Variants in NXPE3 observed in about 807,000 individuals in gnomAD.
NXPE3 encodes NXPE family member 3.
NXPE3 carries 26 observed loss-of-function variants against 46.1 expected under a neutral mutation model. The ratio of observed to expected loss-of-function variants is 0.56; its 90% CI spans 0.41 to 0.78. NXPE3 has a LOEUF of 0.78. Among genes scored for constraint, NXPE3 ranks in the 30% least tolerant of loss-of-function variants. The pLI is 0.00. For missense variants in NXPE3, 620 were observed against 686.0 expected (o/e 0.90, Z 1.07); for synonymous variants, 272 against 257.9 (o/e 1.05, Z -0.52).
chr3:101,784,189 C>G (rs189861112), intron 3 of NXPE3, among the ~76,000 whole-genome samples: 14 of 152,164 alleles, frequency 9.2e-5, no homozygotes, highest in Admixed American at 7.2e-4. Context: ...AATGCAGTAT[C>G]ATTAAGTTGC....
rs973538381 is a variant in NXPE3 at position 101,828,158 on chromosome 3, G to C, written c.*6204G>C. On this transcript the variant is annotated 3_prime_UTR_variant, in exon 8 of 8. Coordinates refer to ENST00000273347, the MANE Select transcript of NXPE3 (RefSeq NM_145037.4). ...ACAATTGATTTGCTCTTACGTATTT[G>C]TGTGACTTGACTCTTCAAACACAAA... 6.6e-6 allele frequency: 1 copy of C among 152,084 alleles called. No individual in the cohort carries two copies. The highest frequency in any genetic ancestry group is 2.4e-5 in the African/African-American group (1 of 41,406). 9.4% of individuals were successfully genotyped at this position (152,084 alleles called of 1,614,324 possible). A position where few individuals can be genotyped will look rare whatever the true frequency, so the allele number is the denominator to read the frequency against.
chr3:101,801,253 G>GT lies in NXPE3; in HGVS notation c.115dup (p.Ser39PhefsTer20), dbSNP rs1159508776. On this transcript the variant is annotated frameshift_variant, in exon 5 of 8. Coordinates refer to ENST00000273347, the MANE Select transcript of NXPE3 (RefSeq NM_145037.4). LOFTEE classifies it high-confidence loss of function. ...TCTTCAGTACTTGGACCATGAGACTGTTTCAGCCACTTTCATCGACAGCAG... is the reference window on the plus strand; with the variant it reads ...TCTTCAGTACTTGGACCATGAGACTGTTTTCAGCCACTTTCATCGACAGCAG... 3.7e-6 allele frequency: 6 copies of GT among 1,612,276 alleles called. No homozygotes were observed. The highest frequency in any genetic ancestry group is 5.1e-6 in the Non-Finnish European group (6 of 1,179,004).
intron 4 of NXPE3, among the ~76,000 whole-genome samples, chr3:101,797,408 T>C (rs1940892189): frequency 7.0e-6 from 1 of 143,728 alleles, no homozygotes; most frequent in South Asian, 2.2e-4. Context: ...TATTAAGCTA[T>C]TCTTTTTTTT....
chr3:101,785,380 C>A (rs1345798343), intron 3 of NXPE3, 22 bp from the exon 4 acceptor site: 4 of 517,534 alleles, frequency 7.7e-6, no homozygotes, highest in African/African-American at 3.9e-5. Context: ...TGGTGATGTT[C>A]TCTCATCTCT....
At chr3:101,816,190 C>T (rs1019906069) in intron 6 of NXPE3, among the ~76,000 whole-genome samples, 1 of 152,100 alleles carries the variant, frequency 6.6e-6, no homozygotes. Flanking sequence ...AGAGGGAATG[C>T]TGAAAGTCCC....
intron 4 of NXPE3, among the ~76,000 whole-genome samples, chr3:101,791,907 A>G (rs1324010229): frequency 6.6e-6 from 1 of 152,168 alleles, no homozygotes; most frequent in African/African-American, 2.4e-5. Context: ...GCTCACACCA[A>G]CACTGTATAA....
chr3:101,788,181 A>G (rs1457965114), intron 4 of NXPE3, among the ~76,000 whole-genome samples: 3 of 152,132 alleles, frequency 2.0e-5, no homozygotes, highest in African/African-American at 7.2e-5. Flanking sequence ...GTGCTTTTGG[A>G]TAAATATCCA....
At chr3:101,801,051 A>T (rs1329772781) in intron 4 of NXPE3, among the ~76,000 whole-genome samples, 184 bp from the exon 5 acceptor site, 1 of 152,028 alleles carries the variant, frequency 6.6e-6, no homozygotes, top group Non-Finnish European at 1.5e-5. Flanking sequence ...ATACTTCAAA[A>T]TGGGTCCTTT....
chr3:101,821,665 G>C lies in NXPE3; in HGVS notation c.1391G>C (p.Arg464Pro), dbSNP rs200277463. The C allele has an allele frequency of 6.2e-7, 1 of 1,614,186 alleles. No individual in the cohort carries two copies. Among genetic ancestry groups the C allele is most frequent in the Admixed American group, 1.7e-5 (1 of 60,022 alleles). Residue 464 changes from arginine to proline, a missense_variant, in exon 8 of 8, where the codon CGT becomes CCT. Around this residue, in one of 3 missense-constraint regions of NXPE3, gnomAD observed 75 missense variants for 121.1 expected, o/e 0.62. Coordinates refer to ENST00000273347, the MANE Select transcript of NXPE3 (RefSeq NM_145037.4). ...TACATCCGGCGGCTCAGGAACATCC[G>C]TCGAGCAGTGGTTCGGCTCCTCGAT... ...EVYIRRLRNI[R>P]RAVVRLLDRS... is the part of the protein sequence containing the mutation.
chr3:101,821,225 G>C (rs909207026), intron 7 of NXPE3, among the ~76,000 whole-genome samples, 179 bp from the exon 8 acceptor site: 20 of 151,996 alleles, frequency 1.3e-4, no homozygotes, highest in African/African-American at 3.6e-4. Context: ...TTAGAATAAA[G>C]GCCCATTGAT....
chr3:101,802,918 T>C (rs1941235261), intron 5 of NXPE3, among the ~76,000 whole-genome samples: 1 of 152,074 alleles, frequency 6.6e-6, no homozygotes, highest in Non-Finnish European at 1.5e-5. Context: ...GGCTCATGAC[T>C]GTAGTCCCAG....
chr3:101,816,174 G>A (rs1941961057), intron 6 of NXPE3, among the ~76,000 whole-genome samples: 1 of 152,182 alleles, frequency 6.6e-6, no homozygotes, highest in Admixed American at 6.5e-5. Context: ...CAAAAAAAAT[G>A]TAAGCAGAGG....
intron 4 of NXPE3, 83 bp downstream of exon 4, chr3:101,785,772 A>G (rs1305173328): frequency 2.3e-5 from 26 of 1,124,746 alleles, no homozygotes; most frequent in Non-Finnish European, 3.0e-5. Flanking sequence ...AACGTTGGTT[A>G]TCGGAAGATT....
chr3:101,810,774 A>G (rs1314910243), intron 6 of NXPE3, among the ~76,000 whole-genome samples: 3 of 152,178 alleles, frequency 2.0e-5, no homozygotes, highest in Admixed American at 1.3e-4. Context: ...CAGTCTTACA[A>G]CCACAAGTAA....
In NXPE3 at chr3:101,828,139, G is replaced by A. The variant is rs1168324038; in HGVS notation, c.*6185G>A. The A allele has an allele frequency of 2.0e-5, 3 of 152,116 alleles. No homozygotes were observed. Among genetic ancestry groups the A allele is most frequent in the Non-Finnish European group, 4.4e-5 (3 of 68,022 alleles). 9.4% of individuals were successfully genotyped at this position (152,116 alleles called of 1,614,324 possible). A position where few individuals can be genotyped will look rare whatever the true frequency, so the allele number is the denominator to read the frequency against. ...TCGCTGATTACAGCTGGAAACAATT[G>A]ATTTGCTCTTACGTATTTGTGTGAC... is the stretch of plus-strand genomic sequence containing the variant. On this transcript the variant is annotated 3_prime_UTR_variant, in exon 8 of 8. Transcript: ENST00000273347.
At chr3:101,788,247 T>A (rs1940306721) in intron 4 of NXPE3, among the ~76,000 whole-genome samples, 1 of 152,182 alleles carries the variant, frequency 6.6e-6, no homozygotes, top group Non-Finnish European at 1.5e-5. Flanking sequence ...TGTTGTTGAG[T>A]TGTAGGAGTT....
intron 6 of NXPE3, among the ~76,000 whole-genome samples, chr3:101,815,028 C>T (rs1196354939): frequency 6.6e-6 from 1 of 152,156 alleles, no homozygotes; most frequent in East Asian, 1.9e-4. Context: ...TACGTTTGCT[C>T]AGAATAGTGT....
At position 101,820,825 on chromosome 3, in the gene NXPE3, G is replaced by A. The variant is rs1352644422; in HGVS notation, c.1130-579G>A. On this transcript the variant is annotated intron_variant, in intron 7 of 7. Transcript: ENST00000273347. The stretch of plus-strand genomic sequence containing the variant: ...CTTATAAGCGGGAGCTAAATGATAA[G>A]AACTTATGAACACACAGAAGGAAAC... Among the ~76,000 whole-genome samples the A allele has an allele frequency of 2.0e-5, 3 of 152,294 alleles. No individual in the cohort carries two copies. The East Asian group carries it at 5.8e-4, about 29-fold the overall frequency.
In NXPE3 at chr3:101,802,112, A is replaced by G. The variant is rs927207460; in HGVS notation, c.848+123A>G. 1.2e-5 allele frequency: 10 copies of G among 828,636 alleles called. No individual in the cohort carries two copies. In the African/African-American group the frequency reaches 1.7e-4, roughly 14 times the overall value. 51.3% of individuals were successfully genotyped at this position (828,636 alleles called of 1,614,324 possible). ...CCTCTCTCTCAACTTGGCCCAATAC[A>G]GAAGAGGTAGTGAATAAAAAAAAAA... On this transcript the variant is annotated intron_variant, in intron 5 of 7. Transcript: ENST00000273347.
Sources: allele counts gnomAD v4.1 joint callset (sites outside exome capture counted in the v4.1 genomes callset), GRCh38; gene constraint gnomAD v4.1.1; regional missense constraint gnomAD v4.1.1; transcripts MANE v1.5; gene names NCBI Gene and HGNC (gene_info 2026-07-23, HGNC 2026-07-21).